PPP2R3A: variants seen among roughly 807,000 people sequenced by gnomAD.
PPP2R3A encodes the protein serine/threonine-protein phosphatase 2A regulatory subunit B'' subunit alpha.
A neutral mutation model predicts 106.9 loss-of-function variants in PPP2R3A; 80 were observed. The ratio of observed to expected loss-of-function variants is 0.75; its 90% CI spans 0.62 to 0.90. PPP2R3A has a LOEUF of 0.90. PPP2R3A is among the 40% of genes least tolerant of loss of function. PPP2R3A has a pLI of 0.00. For synonymous variants in PPP2R3A, 483 were observed against 468.3 expected (o/e 1.03, Z -0.41); for missense variants, 1,386 against 1,350.4 (o/e 1.03, Z -0.41).
At chr3:136,128,828 A>G (rs1266567167) in intron 13 of PPP2R3A, among the ~76,000 whole-genome samples, 1 of 152,220 alleles carries the variant, frequency 6.6e-6, no homozygotes, top group African/African-American at 2.4e-5. Context: ...CTCTCAGACC[A>G]CAGTGCAATC....
intron 13 of PPP2R3A, among the ~76,000 whole-genome samples, chr3:136,143,364 G>A (rs116729096): frequency 0.015 from 2,209 of 152,174 alleles, 55 homozygotes; most frequent in African/African-American, 0.051. Context: ...GGTGATATAC[G>A]TCCGTAATCC....
In PPP2R3A at chr3:136,002,978, G is replaced by A. The variant is rs539446446; in HGVS notation, c.1480G>A (p.Glu494Lys). 27 of 1,613,180 alleles carry A rather than the reference G, an allele frequency of 1.7e-5. No individual in the cohort carries two copies. In the East Asian group the frequency reaches 2.5e-4, roughly 15 times the overall value. ...DCKSKVSKFEEGDQRDFTNSS... is the reference protein window; with the variant it reads ...DCKSKVSKFEKGDQRDFTNSS... ...TAAATCAAAAGTTTCTAAATTTGAA[G>A]AGGGAGACCAGAGAGATTTTACAAA... The change falls in exon 2 of 14, where the codon GAG (glutamate) becomes AAG (lysine). Residue 494 changes from glutamate to lysine, a missense_variant. Glu to Lys is a moderately conservative substitution (Grantham distance 56). Coordinates refer to ENST00000264977, the MANE Select transcript of PPP2R3A (RefSeq NM_002718.5).
chr3:136,024,599 A>G (rs6439618), intron 2 of PPP2R3A, among the ~76,000 whole-genome samples: 100,399 of 151,996 alleles, frequency 0.66, 35,283 homozygotes, highest in African/African-American at 0.9. Flanking sequence ...AAGCAAAAGC[A>G]TAGAGTTAAC....
rs1481593837 is a variant in PPP2R3A at position 136,026,922 on chromosome 3, C to T, written c.2086C>T (p.His696Tyr). 2.5e-6 allele frequency: 4 copies of T among 1,613,512 alleles called. No individual in the cohort carries two copies. Among genetic ancestry groups the T allele is most frequent in the African/African-American group, 2.7e-5 (2 of 74,888 alleles). The part of the protein sequence containing the change: ...SSPRPLSPVP[H>Y]VNNVVNAPLS... ...TCCCCGACCTCTCTCCCCGGTTCCC[C>T]ATGTGAATAATGTTGTGAATGCGCC... The change falls in exon 3 of 14, where the codon CAT becomes TAT. Residue 696 changes from histidine to tyrosine, a missense_variant. His to Tyr is a moderately conservative substitution (Grantham distance 83, BLOSUM62 2). Transcript: ENST00000264977.
intron 5 of PPP2R3A, among the ~76,000 whole-genome samples, chr3:136,070,196 G>A (rs1230026398): frequency 1.3e-5 from 2 of 152,088 alleles, no homozygotes; most frequent in African/African-American, 2.4e-5. Context: ...CTGTTGATGT[G>A]TTAGAATTAC....
At chr3:136,023,225 T>A in intron 2 of PPP2R3A, 1 of 1,536,838 alleles carries the variant, frequency 6.5e-7, no homozygotes, top group Non-Finnish European at 8.9e-7. Flanking sequence ...GTGTTTTGTT[T>A]TGTTTTGTTT....
At chr3:136,099,077 G>C (rs1937287814) in intron 10 of PPP2R3A, among the ~76,000 whole-genome samples, 1 of 152,166 alleles carries the variant, frequency 6.6e-6, no homozygotes, top group South Asian at 2.1e-4. Context: ...TCAGCTAACA[G>C]AATGCTGCCT....
chr3:136,098,475 A>G (rs1488604062), intron 10 of PPP2R3A, among the ~76,000 whole-genome samples: 1 of 152,172 alleles, frequency 6.6e-6, no homozygotes, highest in Non-Finnish European at 1.5e-5. Context: ...TCTCTCCCCA[A>G]AGGAGATTTT....
intron 3 of PPP2R3A, among the ~76,000 whole-genome samples, chr3:136,036,382 T>C (rs1370228991): frequency 6.6e-6 from 1 of 152,186 alleles, no homozygotes; most frequent in Non-Finnish European, 1.5e-5. Context: ...TGAAGGCTGT[T>C]AGTCAGATTC....
intron 13 of PPP2R3A, among the ~76,000 whole-genome samples, chr3:136,137,714 T>C (rs1938683937): frequency 6.6e-6 from 1 of 151,864 alleles, no homozygotes; most frequent in Non-Finnish European, 1.5e-5. Context: ...GCTAATTTTT[T>C]GTATTTTTAG....
chr3:135,974,455 C>T (rs548236779), intron 1 of PPP2R3A, among the ~76,000 whole-genome samples: 1 of 152,358 alleles, frequency 6.6e-6, no homozygotes, highest in South Asian at 2.1e-4. Context: ...AAGTTATCCA[C>T]TCAGAGGCTT....
intron 3 of PPP2R3A, among the ~76,000 whole-genome samples, chr3:136,035,271 A>G (rs1047377014): frequency 3.9e-5 from 6 of 151,994 alleles, no homozygotes; most frequent in East Asian, 1.9e-4. Flanking sequence ...TGTTTCCTGT[A>G]TATCTTGGTT....
intron 5 of PPP2R3A, among the ~76,000 whole-genome samples, chr3:136,052,612 G>A (rs1384076951): frequency 6.6e-6 from 1 of 152,162 alleles, no homozygotes; most frequent in Non-Finnish European, 1.5e-5. Flanking sequence ...GCTGACTGAT[G>A]CAGTTCTGAA....
At chr3:136,062,497 G>T (rs1339312711) in intron 5 of PPP2R3A, among the ~76,000 whole-genome samples, 2 of 152,044 alleles carry the variant, frequency 1.3e-5, no homozygotes, top group Non-Finnish European at 2.9e-5. Context: ...GCCAAGGTGT[G>T]CAGATCATGA....
At chr3:135,971,093 A>C (rs1378488251) in intron 1 of PPP2R3A, among the ~76,000 whole-genome samples, 1 of 152,172 alleles carries the variant, frequency 6.6e-6, no homozygotes, top group Non-Finnish European at 1.5e-5. Context: ...TGTGTATCTA[A>C]CTGTGAGATT....
At chr3:136,142,373 G>A (rs898329675) in intron 13 of PPP2R3A, among the ~76,000 whole-genome samples, 2 of 152,110 alleles carry the variant, frequency 1.3e-5, no homozygotes, top group Admixed American at 6.5e-5. Context: ...CCCTGGCGGC[G>A]GGGGACAAAA....
chr3:136,025,322 T>C (rs1431481584), intron 2 of PPP2R3A, among the ~76,000 whole-genome samples: 2 of 152,144 alleles, frequency 1.3e-5, no homozygotes, highest in Admixed American at 6.6e-5. Flanking sequence ...TCATATTTCA[T>C]TGGTATCACT....
At chr3:136,041,440 G>T (rs551505116) in intron 4 of PPP2R3A, among the ~76,000 whole-genome samples, 1 of 151,524 alleles carries the variant, frequency 6.6e-6, no homozygotes, top group East Asian at 1.9e-4. Context: ...ATAGAGACTG[G>T]ATCTCACTCT....
chr3:136,083,557 A>G (rs1936846987), intron 8 of PPP2R3A, among the ~76,000 whole-genome samples: 1 of 152,210 alleles, frequency 6.6e-6, no homozygotes, highest in African/African-American at 2.4e-5. Context: ...GCAGCATGAG[A>G]ACAGACTAAT....
Sources: gnomAD v4.1 joint callset for allele counts (sites outside exome capture counted in the v4.1 genomes callset) on GRCh38, gnomAD v4.1.1 for gene constraint, MANE v1.5 for transcripts, NCBI Gene and HGNC (gene_info 2026-07-23, HGNC 2026-07-21) for gene names.